DNAJB1: variants seen among roughly 807,000 people sequenced by gnomAD.
DNAJB1 encodes dnaJ homolog subfamily B member 1.
In DNAJB1, 14 loss-of-function variants were observed where a neutral mutation model predicts 24.0. The ratio of observed to expected loss-of-function variants is 0.58; its 90% CI spans 0.39 to 0.91. The LOEUF (loss-of-function observed/expected upper bound fraction) is 0.91. Among genes scored for constraint, DNAJB1 ranks in the 40% least tolerant of loss-of-function variants. The probability of loss-of-function intolerance (pLI) is 0.00; values close to 1 mark genes in which losing one functional copy is unlikely to be tolerated. For missense variants in DNAJB1, 517 were observed against 458.1 expected (o/e 1.13, Z -1.17); for synonymous variants, 262 against 174.4 (o/e 1.50, Z -3.96).
At chr19:14,522,693 C>CACAG (rs2072375791), upstream of DNAJB1, among the ~76,000 whole-genome samples, 5 of 139,130 alleles carry the variant, frequency 3.6e-5, no homozygotes, top group Admixed American at 2.8e-4. Context: ...GACACACACA[C>CACAG]ACACACACAC....
upstream of DNAJB1, among the ~76,000 whole-genome samples, chr19:14,533,375 G>A (rs572243652): frequency 6.1e-5 from 9 of 148,182 alleles, no homozygotes; most frequent in African/African-American, 2.2e-4. Flanking sequence ...AGCTGAGATC[G>A]CACCACTGCA....
chr19:14,550,479 T>G (rs1188077636), upstream of DNAJB1, among the ~76,000 whole-genome samples: 1 of 152,074 alleles, frequency 6.6e-6, no homozygotes, highest in East Asian at 1.9e-4. Flanking sequence ...TCTGGCCCCC[T>G]TCCAGCTTCC....
upstream of DNAJB1, chr19:14,529,395 G>GC (rs2072521500): frequency 1.8e-6 from 1 of 563,848 alleles, no homozygotes; most frequent in South Asian, 2.0e-5. Context: ...GGATGGTCAA[G>GC]CCCCTTCTCT....
intron 1 of DNAJB1, among the ~76,000 whole-genome samples, chr19:14,539,404 C>A (rs2073020725): frequency 6.6e-6 from 1 of 152,034 alleles, no homozygotes; most frequent in South Asian, 2.1e-4. Context: ...AAAGAATCAT[C>A]CCAGGAAGTG....
upstream of DNAJB1, among the ~76,000 whole-genome samples, chr19:14,555,193 C>T (rs544935741): frequency 8.6e-5 from 13 of 151,864 alleles, no homozygotes; most frequent in East Asian, 2.1e-3. Flanking sequence ...ATCCTTCTGT[C>T]ACAGCCCCTG....
chr19:14,541,478 C>G (rs902340151), intron 1 of DNAJB1, among the ~76,000 whole-genome samples: 3 of 152,246 alleles, frequency 2.0e-5, no homozygotes, highest in South Asian at 2.1e-4. Context: ...GACCCTGCCT[C>G]TGTTTTCCAG....
chr19:14,518,406 C>T (rs1221840719), upstream of DNAJB1: 2 of 1,494,886 alleles, frequency 1.3e-6, no homozygotes, highest in Non-Finnish European at 8.9e-7. Context: ...CCGCCGCCGA[C>T]CAGTCCCGGA....
At chr19:14,537,917 T>C (rs889122585) in intron 1 of DNAJB1, among the ~76,000 whole-genome samples, 23 of 152,114 alleles carry the variant, frequency 1.5e-4, no homozygotes, top group Non-Finnish European at 3.4e-4. Context: ...GGCTAGTTTT[T>C]GTATTTTTAG....
intron 1 of DNAJB1, among the ~76,000 whole-genome samples, chr19:14,541,014 C>T (rs1246694146): frequency 6.6e-6 from 1 of 152,084 alleles, no homozygotes; most frequent in Non-Finnish European, 1.5e-5. Context: ...TTAGTAGAGA[C>T]AGGGTTTCAC....
upstream of DNAJB1, chr19:14,529,898 T>C (rs1299766318): frequency 2.5e-6 from 2 of 810,116 alleles, no homozygotes; most frequent in Non-Finnish European, 4.0e-6. Flanking sequence ...GCAGGAAGTA[T>C]TTATAAATCT....
intron 1 of DNAJB1, among the ~76,000 whole-genome samples, chr19:14,539,880 CT>C (rs35738060): frequency 0.42 from 59,602 of 141,984 alleles, 12,774 homozygotes; most frequent in South Asian, 0.52. Flanking sequence ...TGTTTTCTTT[CT>C]TTTTTTTTTT....
intron 1 of DNAJB1, among the ~76,000 whole-genome samples, chr19:14,535,723 T>G: frequency 7.9e-6 from 1 of 126,970 alleles, no homozygotes. Flanking sequence ...ACCACTGCAT[T>G]CCGGTCCTGG....
chr19:14,552,357 C>T (rs1010268728), upstream of DNAJB1, among the ~76,000 whole-genome samples: 3 of 150,114 alleles, frequency 2.0e-5, no homozygotes, highest in South Asian at 6.5e-4. Flanking sequence ...CTCTGTTGCA[C>T]ATAGCCCTGC....
chr19:14,517,493 T>C (rs2072291682), intron 1 of DNAJB1: 1 of 157,196 alleles, frequency 6.4e-6, no homozygotes, highest in Non-Finnish European at 1.4e-5. Flanking sequence ...TAGCATTCAC[T>C]GCCACCATCC....
rs1183501767 is a variant in DNAJB1, at chr19:14,515,064, G to A, written c.*876C>T. 2 of 152,548 alleles carry A rather than the reference G, an allele frequency of 1.3e-5. No homozygotes were observed. Among genetic ancestry groups the A allele is most frequent in the Non-Finnish European group, 2.9e-5 (2 of 68,030 alleles). 9.4% of individuals were successfully genotyped at this position (152,548 alleles called of 1,614,324 possible). On this transcript the variant is annotated 3_prime_UTR_variant, in exon 3 of 3. Coordinates refer to ENST00000254322, the MANE Select transcript of DNAJB1 (RefSeq NM_006145.3). ...TTCCACAGTGCTCCTGTAATCAGAA[G>A]CAAAGACCCTTTTATCAAAAGGGAT...
intron 1 of DNAJB1, among the ~76,000 whole-genome samples, chr19:14,536,295 A>C (rs1223116743): frequency 2.1e-5 from 3 of 146,252 alleles, no homozygotes; most frequent in Admixed American, 1.4e-4. Flanking sequence ...CGTGAGACAG[A>C]GTCCCCCTCT....
chr19:14,553,241 G>A (rs550344029), upstream of DNAJB1, among the ~76,000 whole-genome samples: 4 of 152,260 alleles, frequency 2.6e-5, no homozygotes, highest in East Asian at 5.8e-4. Flanking sequence ...TCCGGGTCCC[G>A]GGCTACCGCT....
upstream of DNAJB1, among the ~76,000 whole-genome samples, chr19:14,520,847 G>T (rs745859734): frequency 4.1e-4 from 63 of 151,924 alleles, no homozygotes; most frequent in Non-Finnish European, 7.9e-4. Flanking sequence ...AAAAAAATTA[G>T]CCGGGTGCAA....
At chr19:14,517,932 G>A (rs997461188) in intron 1 of DNAJB1, 58 of 479,818 alleles carry the variant, frequency 1.2e-4, no homozygotes, top group African/African-American at 1.0e-3. Flanking sequence ...CATGCTAGAA[G>A]CTTCTGGCCG....
Sources: gnomAD v4.1 joint callset for allele counts (sites outside exome capture counted in the v4.1 genomes callset) on GRCh38, gnomAD v4.1.1 for gene constraint, MANE v1.5 for transcripts, NCBI Gene and HGNC (gene_info 2026-07-23, HGNC 2026-07-21) for gene names.